ARB2A: variants seen among roughly 807,000 people sequenced by gnomAD.
The protein encoded by ARB2A is cotranscriptional regulator ARB2A.
the ARB2A span, among the ~76,000 whole-genome samples, chr5:94,042,919 A>C: frequency 6.6e-6 from 1 of 152,206 alleles, no homozygotes; most frequent in Non-Finnish European, 1.5e-5. Context: ...ATATATCATC[A>C]GTAATAATTA....
the ARB2A span, chr5:93,683,130 G>A: frequency 3.6e-5 from 55 of 1,522,394 alleles, no homozygotes; most frequent in South Asian, 1.9e-4. Context: ...GGAGTATCTC[G>A]TATAGATTTC....
chr5:94,019,441 C>T, the ARB2A span, among the ~76,000 whole-genome samples: 4 of 151,928 alleles, frequency 2.6e-5, no homozygotes, highest in African/African-American at 4.8e-5. Context: ...CTTAAACTTA[C>T]AAGAAAAAAA....
At chr5:93,996,525 T>A in the ARB2A span, among the ~76,000 whole-genome samples, 1 of 152,028 alleles carries the variant, frequency 6.6e-6, no homozygotes, top group Non-Finnish European at 1.5e-5. Context: ...GGTTCACAAA[T>A]CCAAGTCAGA....
chr5:94,094,089 A>C, the ARB2A span, among the ~76,000 whole-genome samples: 1 of 152,206 alleles, frequency 6.6e-6, no homozygotes, highest in Non-Finnish European at 1.5e-5. Flanking sequence ...TGTACATTTT[A>C]AGGTATTTGG....
the ARB2A span, among the ~76,000 whole-genome samples, chr5:93,700,598 A>G: frequency 1.3e-5 from 2 of 152,124 alleles, no homozygotes; most frequent in African/African-American, 4.8e-5. Context: ...AAGGAATCAT[A>G]ATCAATTTTC....
the ARB2A span, among the ~76,000 whole-genome samples, chr5:93,957,409 T>C: frequency 7.9e-4 from 121 of 152,304 alleles, no homozygotes; most frequent in Non-Finnish European, 1.3e-3. Context: ...CGAAAATACA[T>C]AGACAGGATC....
At chr5:94,001,189 G>C in the ARB2A span, among the ~76,000 whole-genome samples, 1 of 152,014 alleles carries the variant, frequency 6.6e-6, no homozygotes, top group Non-Finnish European at 1.5e-5. Flanking sequence ...AAAATAACTT[G>C]CTGGGATTTT....
chr5:93,753,763 T>C, the ARB2A span, among the ~76,000 whole-genome samples: 1 of 152,332 alleles, frequency 6.6e-6, no homozygotes, highest in Non-Finnish European at 1.5e-5. Context: ...TAAGCTATAG[T>C]AGGGGCAAGG....
the ARB2A span, among the ~76,000 whole-genome samples, chr5:93,821,621 A>G: frequency 1.3e-5 from 2 of 152,020 alleles, no homozygotes; most frequent in African/African-American, 4.8e-5. Context: ...CTAAAACTGA[A>G]TAACATTTTT....
the ARB2A span, among the ~76,000 whole-genome samples, chr5:93,653,467 G>A: frequency 8.3e-6 from 1 of 121,036 alleles, no homozygotes; most frequent in East Asian, 2.7e-4. Flanking sequence ...AGCCAAGATA[G>A]CGCCACTGCA....
chr5:93,893,139 C>T, the ARB2A span, among the ~76,000 whole-genome samples: 2 of 152,124 alleles, frequency 1.3e-5, no homozygotes, highest in South Asian at 4.2e-4. Flanking sequence ...AATTTAAATC[C>T]AGCCTGATTT....
the ARB2A span, among the ~76,000 whole-genome samples, chr5:93,859,216 T>C: frequency 6.6e-6 from 1 of 152,160 alleles, no homozygotes; most frequent in Non-Finnish European, 1.5e-5. Context: ...TAATGATGCC[T>C]ATCCACAAAA....
chr5:93,764,392 AAACT>A, the ARB2A span, among the ~76,000 whole-genome samples: 11 of 152,226 alleles, frequency 7.2e-5, no homozygotes, highest in African/African-American at 2.7e-4. Context: ...ACAGAAATAC[AAACT>A]ACCATCAGAG....
chr5:93,673,748 G>T, the ARB2A span, among the ~76,000 whole-genome samples: 1 of 152,150 alleles, frequency 6.6e-6, no homozygotes, highest in Non-Finnish European at 1.5e-5. Context: ...ACAAATTACT[G>T]TAAGTGGGGG....
the ARB2A span, among the ~76,000 whole-genome samples, chr5:93,846,670 GA>G: frequency 6.6e-6 from 1 of 151,936 alleles, no homozygotes; most frequent in Admixed American, 6.6e-5. Context: ...AAAACATCTT[GA>G]AAATATACTT....
the ARB2A span, among the ~76,000 whole-genome samples, chr5:93,769,805 T>C: frequency 1.2e-3 from 176 of 152,282 alleles, no homozygotes; most frequent in African/African-American, 4.0e-3. Context: ...AATACTTTAG[T>C]GATAAATGGA....
At chr5:93,985,543 C>T in the ARB2A span, among the ~76,000 whole-genome samples, 7 of 152,308 alleles carry the variant, frequency 4.6e-5, no homozygotes, top group African/African-American at 1.7e-4. Context: ...CCTGCCTCAG[C>T]CTGCCGAGTG....
At chr5:93,665,327 G>A in the ARB2A span, among the ~76,000 whole-genome samples, 2 of 152,152 alleles carry the variant, frequency 1.3e-5, no homozygotes, top group African/African-American at 4.8e-5. Context: ...ACAGATAAGA[G>A]ATTCTGTAGC....
At chr5:93,712,038 T>C in the ARB2A span, among the ~76,000 whole-genome samples, 1 of 152,096 alleles carries the variant, frequency 6.6e-6, no homozygotes, top group South Asian at 2.1e-4. Flanking sequence ...AGAGGATGAG[T>C]GCTGGGACGG....
Sources: allele counts gnomAD v4.1 joint callset (sites outside exome capture counted in the v4.1 genomes callset), GRCh38; gene constraint gnomAD v4.1.1; transcripts MANE v1.5; gene names NCBI Gene and HGNC (gene_info 2026-07-23, HGNC 2026-07-21).